LRP1B: variants seen among roughly 807,000 people sequenced by gnomAD.
LRP1B encodes the protein LDL receptor related protein 1B, also known as low-density lipoprotein receptor-related protein 1B.
In LRP1B, 217 loss-of-function variants were observed where a neutral mutation model predicts 556.6. That is an observed-to-expected ratio of 0.39 (90% confidence interval 0.35 to 0.44). LRP1B has a LOEUF of 0.44. Ranked by LOEUF, LRP1B falls within the 20% of genes least tolerant of loss-of-function variation. LRP1B has a pLI of 1.00. For missense variants in LRP1B, 5,053 were observed against 5,620.8 expected, an observed-to-expected ratio of 0.90 and a Z score of 3.23; for synonymous variants, 2,047 against 1,865.8, an observed-to-expected ratio of 1.10 and a Z score of -2.50.
intron 35 of LRP1B, among the ~76,000 whole-genome samples, chr2:140,759,938 G>T (rs938243094): frequency 6.6e-6 from 1 of 152,150 alleles, no homozygotes; most frequent in Non-Finnish European, 1.5e-5. Flanking sequence ...TAATCAAAGA[G>T]CTACAGTGCT....
At chr2:140,253,244 G>A (rs1573688538) in intron 86 of LRP1B, among the ~76,000 whole-genome samples, 1 of 151,940 alleles carries the variant, frequency 6.6e-6, no homozygotes, top group Non-Finnish European at 1.5e-5. Flanking sequence ...GTAATACTGA[G>A]AAAATTTGAT....
chr2:140,334,459 G>A lies in LRP1B; in HGVS notation c.12217C>T (p.Pro4073Ser). 6.3e-7 allele frequency: 1 copy of A among 1,596,120 alleles called. No individual in the cohort carries two copies. The highest frequency in any genetic ancestry group is 8.6e-7 in the Non-Finnish European group (1 of 1,164,562). Residue 4073 changes from proline to serine, a missense_variant, in exon 79 of 91, where the codon CCC (proline) becomes TCC (serine). Coordinates refer to ENST00000389484, the MANE Select transcript of LRP1B (RefSeq NM_018557.3). ...RILVQKNLQR[P>S]TGLAVDYFSE... ...CGTGTGTCAGAAATCATACCTGTGG[G>A]TCTCTGTAAGTTCTTTTGTACTAAA... is the stretch of plus-strand genomic sequence containing the variant.
At chr2:141,743,154 A>G (rs1176757110) in intron 2 of LRP1B, among the ~76,000 whole-genome samples, 1 of 151,888 alleles carries the variant, frequency 6.6e-6, no homozygotes, top group Non-Finnish European at 1.5e-5. Flanking sequence ...GGGATGTTGA[A>G]TTTTATCAAA....
chr2:141,177,804 A>G (rs914456199), intron 7 of LRP1B, among the ~76,000 whole-genome samples: 2 of 152,120 alleles, frequency 1.3e-5, no homozygotes, highest in African/African-American at 4.8e-5. Context: ...CAGTAAGAGA[A>G]AATATTGAAA....
At chr2:140,234,179 A>G (rs2104873095) in intron 90 of LRP1B, among the ~76,000 whole-genome samples, 1 of 151,394 alleles carries the variant, frequency 6.6e-6, no homozygotes, top group Non-Finnish European at 1.5e-5. Flanking sequence ...AATGAGGATG[A>G]AAACAGTTGA....
At chr2:140,501,648 A>G in intron 55 of LRP1B, 39 bp downstream of exon 55, 1 of 1,432,346 alleles carries the variant, frequency 7.0e-7, no homozygotes, top group Non-Finnish European at 9.4e-7. Flanking sequence ...CTCCAATTCT[A>G]ATGTATCGTA....
chr2:141,174,004 TTTTC>T (rs1186018331), intron 7 of LRP1B, among the ~76,000 whole-genome samples: 1 of 151,994 alleles, frequency 6.6e-6, no homozygotes, highest in Non-Finnish European at 1.5e-5. Context: ...GATAGAATAC[TTTTC>T]TTTCTCTTCT....
intron 6 of LRP1B, among the ~76,000 whole-genome samples, chr2:141,198,963 T>A (rs1681878885): frequency 6.6e-6 from 1 of 152,134 alleles, no homozygotes; most frequent in South Asian, 2.1e-4. Context: ...TTAGACACTA[T>A]CTTATCTCTT....
chr2:140,568,200 C>A (rs78928748), intron 43 of LRP1B, among the ~76,000 whole-genome samples: 28 of 123,688 alleles, frequency 2.3e-4, no homozygotes, highest in East Asian at 4.8e-4. Flanking sequence ...CACCATGGTC[C>A]AAAAAAAAAA....
At chr2:140,914,038 T>C (rs534445884) in intron 21 of LRP1B, among the ~76,000 whole-genome samples, 61 of 152,188 alleles carry the variant, frequency 4.0e-4, no homozygotes, top group African/African-American at 1.4e-3. Context: ...TTAATCTGAT[T>C]ATGGTTAAGA....
At chr2:141,686,766 T>A (rs1691322397) in intron 2 of LRP1B, among the ~76,000 whole-genome samples, 1 of 151,924 alleles carries the variant, frequency 6.6e-6, no homozygotes, top group Non-Finnish European at 1.5e-5. Flanking sequence ...TCTGCCTTAA[T>A]AAAAAGATTA....
intron 11 of LRP1B, among the ~76,000 whole-genome samples, chr2:141,041,843 T>C (rs1472061995): frequency 6.6e-6 from 1 of 152,032 alleles, no homozygotes; most frequent in East Asian, 1.9e-4. Context: ...AAATATGACT[T>C]TGTACCCTAT....
At chr2:141,238,238 G>A (rs956696253) in intron 5 of LRP1B, among the ~76,000 whole-genome samples, 2 of 152,086 alleles carry the variant, frequency 1.3e-5, no homozygotes, top group African/African-American at 2.4e-5. Context: ...CTTTCTAATT[G>A]TAGCCAGTGG....
intron 1 of LRP1B, among the ~76,000 whole-genome samples, chr2:142,016,387 A>C (rs189921392): frequency 1.6e-3 from 250 of 152,344 alleles, no homozygotes; most frequent in African/African-American, 5.8e-3. Context: ...ACGTATGTTT[A>C]TTCCAGCACT....
chr2:140,552,985 C>G lies in LRP1B; in HGVS notation c.7195-11014G>C, dbSNP rs114466662. On this transcript the variant is annotated intron_variant, in intron 43 of 90. Transcript: ENST00000389484. ...GCACTCAAACCAGTAAAAAATAAAC[C>G]TGAATGTAAAAATATTCAGTTTCAT... Among the ~76,000 whole-genome samples the G allele has an allele frequency of 5.8e-3, 876 of 152,108 alleles. 7 individuals carry two copies. The highest frequency in any genetic ancestry group is 0.02 in the African/African-American group (831 of 41,526).
chr2:141,312,307 C>T (rs1026051428), intron 3 of LRP1B, among the ~76,000 whole-genome samples: 7 of 152,076 alleles, frequency 4.6e-5, no homozygotes, highest in African/African-American at 1.7e-4. Flanking sequence ...TTATGATGAT[C>T]CACTTCTACT....
intron 1 of LRP1B, among the ~76,000 whole-genome samples, chr2:142,083,955 AT>A (rs1317665011): frequency 6.7e-6 from 1 of 150,100 alleles, no homozygotes; most frequent in Non-Finnish European, 1.5e-5. Context: ...ATTTTCCACT[AT>A]TATTCTCATC....
intron 32 of LRP1B, among the ~76,000 whole-genome samples, chr2:140,794,476 AAAACACACACACACAC>A (rs1174643189): frequency 1.5e-5 from 1 of 67,706 alleles, no homozygotes; most frequent in Non-Finnish European, 3.1e-5. Flanking sequence ...TTAGCTATTT[AAAACACACACACACAC>A]ACACACACAC....
chr2:141,065,531 A>G (rs901425430), intron 7 of LRP1B, among the ~76,000 whole-genome samples: 18 of 151,846 alleles, frequency 1.2e-4, no homozygotes, highest in African/African-American at 3.9e-4. Flanking sequence ...CATGATGTTA[A>G]TATTTCCAAA....
Sources: gnomAD v4.1 joint callset for allele counts (sites outside exome capture counted in the v4.1 genomes callset) on GRCh38, gnomAD v4.1.1 for gene constraint, MANE v1.5 for transcripts, NCBI Gene and HGNC (gene_info 2026-07-23, HGNC 2026-07-21) for gene names.